PDS5B: variants seen among roughly 807,000 people sequenced by gnomAD.
PDS5B encodes the protein PDS5 cohesin associated factor B, also known as sister chromatid cohesion protein PDS5 homolog B.
A neutral mutation model predicts 184.1 loss-of-function variants in PDS5B; 51 were observed. The observed-to-expected ratio is 0.28, with a 90% confidence interval of 0.22 to 0.35. The LOEUF (loss-of-function observed/expected upper bound fraction) is 0.35. Ranked by LOEUF, PDS5B falls within the 10% of genes least tolerant of loss-of-function variation. PDS5B has a pLI of 1.00. For synonymous variants in PDS5B, 566 were observed against 569.2 expected (o/e 0.99, Z 0.08); for missense variants, 1,180 against 1,723.3 (o/e 0.68, Z 5.58).
intron 1 of PDS5B, among the ~76,000 whole-genome samples, chr13:32,589,771 T>C (rs1429953353): frequency 6.8e-6 from 1 of 147,992 alleles, no homozygotes; most frequent in African/African-American, 2.6e-5. Flanking sequence ...ACAAGCCCAG[T>C]AGTTTCTCTG....
chr13:32,641,394 A>G (rs924115703), intron 1 of PDS5B, among the ~76,000 whole-genome samples: 1 of 151,596 alleles, frequency 6.6e-6, no homozygotes, highest in South Asian at 2.1e-4. Context: ...ATTCATTCCC[A>G]TCATTTTCTG....
chr13:32,705,886 T>C (rs1385883935), intron 17 of PDS5B, among the ~76,000 whole-genome samples: 1 of 152,128 alleles, frequency 6.6e-6, no homozygotes, highest in Admixed American at 6.5e-5. Context: ...AGGCTGGTCT[T>C]GAACTCCTGG....
chr13:32,708,157 C>T (rs1952084779), intron 18 of PDS5B, among the ~76,000 whole-genome samples: 1 of 152,180 alleles, frequency 6.6e-6, no homozygotes, highest in African/African-American at 2.4e-5. Flanking sequence ...CTACAACTCT[C>T]TGCACCCTAC....
At chr13:32,715,870 G>A (rs1200916328) in intron 19 of PDS5B, among the ~76,000 whole-genome samples, 1 of 152,196 alleles carries the variant, frequency 6.6e-6, no homozygotes, top group South Asian at 2.1e-4. Context: ...TGTGTTGGCC[G>A]GGCTGGTCTC....
intron 1 of PDS5B, among the ~76,000 whole-genome samples, chr13:32,593,032 G>A (rs938367946): frequency 1.3e-5 from 2 of 152,096 alleles, no homozygotes; most frequent in Admixed American, 1.3e-4. Context: ...ATACTCATAG[G>A]TTTGTGCAGC....
In PDS5B at chr13:32,737,862, C is replaced by T. The variant is rs562801439; in HGVS notation, c.2406+2532C>T. Among the ~76,000 whole-genome samples, 3 of 152,278 alleles carry T rather than the reference C, an allele frequency of 2.0e-5. No individual in the cohort carries two copies. The South Asian group carries it at 6.2e-4, about 32-fold the overall frequency. ...TACTCTTCAATCCTTTCTACTTCCT[C>T]CTTGTCCCTAATATCTACTCTCTTG... On this transcript the variant is annotated intron_variant, in intron 21 of 34. Coordinates refer to ENST00000315596, the MANE Select transcript of PDS5B (RefSeq NM_015032.4).
intron 1 of PDS5B, among the ~76,000 whole-genome samples, chr13:32,631,563 T>C (rs1384881340): frequency 6.6e-6 from 1 of 152,202 alleles, no homozygotes. Context: ...TCAATAAATA[T>C]TTGTTGTTGA....
At chr13:32,728,108 T>G (rs1381379369) in intron 19 of PDS5B, among the ~76,000 whole-genome samples, 1 of 151,904 alleles carries the variant, frequency 6.6e-6, no homozygotes, top group Non-Finnish European at 1.5e-5. Context: ...TCTATTGTAT[T>G]TCTTATATTT....
intron 28 of PDS5B, among the ~76,000 whole-genome samples, chr13:32,759,198 G>C (rs1954291178): frequency 6.6e-6 from 1 of 152,064 alleles, no homozygotes; most frequent in Non-Finnish European, 1.5e-5. Flanking sequence ...ACAGAGTCTG[G>C]AAATAACCAC....
intron 25 of PDS5B, among the ~76,000 whole-genome samples, chr13:32,755,268 C>T (rs909312330): frequency 1.3e-5 from 2 of 152,124 alleles, no homozygotes; most frequent in African/African-American, 4.8e-5. Context: ...ATGTTTATCT[C>T]AGCCAACATA....
At chr13:32,765,430 G>A (rs1271797124) in intron 31 of PDS5B, among the ~76,000 whole-genome samples, 1 of 152,204 alleles carries the variant, frequency 6.6e-6, no homozygotes, top group Non-Finnish European at 1.5e-5. Context: ...ACGTGATTAA[G>A]AGAGGTGAGA....
At chr13:32,593,034 T>C (rs1258613315) in intron 1 of PDS5B, among the ~76,000 whole-genome samples, 1 of 152,214 alleles carries the variant, frequency 6.6e-6, no homozygotes, top group Non-Finnish European at 1.5e-5. Flanking sequence ...ACTCATAGGT[T>C]TGTGCAGCCA....
intron 7 of PDS5B, among the ~76,000 whole-genome samples, chr13:32,671,731 CAT>C (rs1950943195): frequency 1.3e-5 from 2 of 152,180 alleles, no homozygotes; most frequent in South Asian, 4.2e-4. Context: ...GCAGAAAAGA[CAT>C]AGAAATATGA....
chr13:32,751,214 A>G (rs1034676970), intron 24 of PDS5B, among the ~76,000 whole-genome samples: 6 of 152,370 alleles, frequency 3.9e-5, no homozygotes, highest in Admixed American at 2.0e-4. Flanking sequence ...GTAGTATTCC[A>G]TGGTGTATCT....
At chr13:32,763,873 G>T (rs1255941062) in intron 30 of PDS5B, among the ~76,000 whole-genome samples, 2 of 152,136 alleles carry the variant, frequency 1.3e-5, no homozygotes, top group Non-Finnish European at 1.5e-5. Context: ...AGCGTAGCTG[G>T]ACCAGAGATT....
chr13:32,755,874 G>A lies in PDS5B; in HGVS notation c.2974G>A (p.Val992Ile), dbSNP rs368991844. The A allele has an allele frequency of 3.9e-6, 6 of 1,528,120 alleles. No homozygotes were observed. The highest frequency in any genetic ancestry group is 1.2e-5 in the South Asian group (1 of 82,624). The allele number at this position is 1,528,120 out of a possible 1,614,324, so 94.7% of individuals were successfully genotyped here. A position where few individuals can be genotyped will look rare whatever the true frequency, so the allele number is the denominator to read the frequency against. Residue 992 changes from valine (V) to isoleucine (I), a missense_variant, in exon 26 of 35, where the codon GTT becomes ATT. Physicochemically the swap from Val to Ile is conservative, Grantham distance 29. Transcript: ENST00000315596. ...KLLSLLPEYV[V>I]PYTIHLLAHD... ...ATTGTCTCTTCTACCAGAGTATGTT[G>A]TTCCATATACAATTCACCTTTTGGC...
At chr13:32,608,781 G>A (rs1462520495) in intron 1 of PDS5B, among the ~76,000 whole-genome samples, 3 of 152,176 alleles carry the variant, frequency 2.0e-5, no homozygotes, top group Non-Finnish European at 4.4e-5. Context: ...AGAAGTTGGA[G>A]AACGAGATTT....
Position 32,775,808 on chromosome 13 carries a change from G to T in PDS5B, c.*756G>T, listed in dbSNP as rs937475360. The stretch of plus-strand genomic sequence containing the variant: ...ATTTAAAGTATTTTAATTTTAAAGA[G>T]TGTGTTATAAAATAATGTACTGAAT... On this transcript the variant is annotated 3_prime_UTR_variant, in exon 35 of 35. Transcript: ENST00000315596. 2 of 354,696 alleles carry T rather than the reference G, an allele frequency of 5.6e-6. No individual in the cohort carries two copies. Among genetic ancestry groups the T allele is most frequent in the Non-Finnish European group, 1.1e-5 (2 of 181,006 alleles). The allele number at this position is 354,696 out of a possible 1,614,324, so 22.0% of individuals were successfully genotyped here.
At chr13:32,660,742 G>A (rs1950620772) in intron 6 of PDS5B, among the ~76,000 whole-genome samples, 1 of 152,158 alleles carries the variant, frequency 6.6e-6, no homozygotes, top group Non-Finnish European at 1.5e-5. Context: ...CCTTGGCCTT[G>A]TTGTAGGGAG....
Sources: allele counts gnomAD v4.1 joint callset (sites outside exome capture counted in the v4.1 genomes callset), GRCh38; gene constraint gnomAD v4.1.1; transcripts MANE v1.5; gene names NCBI Gene and HGNC (gene_info 2026-07-23, HGNC 2026-07-21).